ITGBL1: variants seen among roughly 807,000 people sequenced by gnomAD.
ITGBL1 encodes integrin beta-like protein 1.
Under a neutral mutation model 68.5 loss-of-function variants are expected in ITGBL1, and 51 were observed. That is an observed-to-expected ratio of 0.74 (90% CI 0.59 to 0.94). The LOEUF (loss-of-function observed/expected upper bound fraction) is 0.94. ITGBL1 is among the 40% of genes least tolerant of loss of function. The pLI is 0.00. For missense variants in ITGBL1, 649 were observed against 647.4 expected (o/e 1.00, Z -0.03); for synonymous variants, 209 against 227.3 (o/e 0.92, Z 0.72).
chr13:101,500,056 T>C (rs2048915886), intron 2 of ITGBL1, among the ~76,000 whole-genome samples: 1 of 152,200 alleles, frequency 6.6e-6, no homozygotes, highest in Non-Finnish European at 1.5e-5. Context: ...GTTTGTCTTA[T>C]TAAAACTGGC....
At chr13:101,572,169 C>T (rs902372745) in intron 3 of ITGBL1, among the ~76,000 whole-genome samples, 1 of 152,148 alleles carries the variant, frequency 6.6e-6, no homozygotes, top group Non-Finnish European at 1.5e-5. Context: ...CCCACTTCCA[C>T]CCTCCGAGTT....
At chr13:101,533,327 CCTT>C (rs1167916150) in intron 2 of ITGBL1, among the ~76,000 whole-genome samples, 2 of 152,304 alleles carry the variant, frequency 1.3e-5, no homozygotes, top group Non-Finnish European at 2.9e-5. Context: ...AAGCTTTTCT[CCTT>C]CTCTCAAAGA....
chr13:101,620,459 T>C (rs1007271261), intron 7 of ITGBL1, among the ~76,000 whole-genome samples: 17 of 152,186 alleles, frequency 1.1e-4, no homozygotes, highest in African/African-American at 4.1e-4. Flanking sequence ...ACTTCTTAAA[T>C]GTGGGCTGAG....
intron 2 of ITGBL1, among the ~76,000 whole-genome samples, chr13:101,545,217 A>G (rs2049798142): frequency 6.6e-6 from 1 of 152,190 alleles, no homozygotes; most frequent in Non-Finnish European, 1.5e-5. Context: ...TGCTGCTTCT[A>G]AAACAGTAAG....
At chr13:101,604,936 ATG>A (rs2139346290) in intron 7 of ITGBL1, among the ~76,000 whole-genome samples, 1 of 108,878 alleles carries the variant, frequency 9.2e-6, no homozygotes, top group African/African-American at 3.2e-5. Context: ...ATATATACGC[ATG>A]TATATATGTG....
chr13:101,604,879 T>C (rs545571459), intron 7 of ITGBL1, among the ~76,000 whole-genome samples: 1,983 of 13,250 alleles, frequency 0.15, 155 homozygotes, highest in Middle Eastern at 0.25. Context: ...TATATATATA[T>C]ATATATATAC....
intron 6 of ITGBL1, among the ~76,000 whole-genome samples, chr13:101,594,337 C>T (rs963909369): frequency 6.6e-6 from 1 of 152,084 alleles, no homozygotes; most frequent in Non-Finnish European, 1.5e-5. Flanking sequence ...AGGGAAAAGA[C>T]AGTTTATTCG....
intron 7 of ITGBL1, among the ~76,000 whole-genome samples, chr13:101,663,694 G>A (rs996357812): frequency 1.3e-5 from 2 of 152,172 alleles, no homozygotes; most frequent in Non-Finnish European, 2.9e-5. Flanking sequence ...GGCATCCTGG[G>A]TATTAGTTAT....
intron 8 of ITGBL1, among the ~76,000 whole-genome samples, chr13:101,698,070 T>C (rs960867199): frequency 3.9e-5 from 6 of 152,220 alleles, no homozygotes; most frequent in African/African-American, 1.4e-4. Flanking sequence ...CCCTCTGTTA[T>C]GGCTTCAGAG....
At chr13:101,558,083 C>CAAAAAAAAAAA (rs568103738) in intron 2 of ITGBL1, among the ~76,000 whole-genome samples, 14 of 71,684 alleles carry the variant, frequency 2.0e-4, no homozygotes, top group African/African-American at 8.9e-4. Context: ...AACTCCGTCT[C>CAAAAAAAAAAA]AAAAAAAAAA....
At chr13:101,670,225 C>G (rs1179546028) in intron 7 of ITGBL1, among the ~76,000 whole-genome samples, 1 of 152,166 alleles carries the variant, frequency 6.6e-6, no homozygotes, top group Non-Finnish European at 1.5e-5. Context: ...TTGTTTACTT[C>G]TATGATATGA....
intron 2 of ITGBL1, among the ~76,000 whole-genome samples, chr13:101,464,858 C>G (rs1173596717): frequency 6.6e-6 from 1 of 152,144 alleles, no homozygotes; most frequent in Non-Finnish European, 1.5e-5. Context: ...AGACCACTAC[C>G]TGCAGATCGA....
intron 2 of ITGBL1, among the ~76,000 whole-genome samples, chr13:101,520,197 A>T (rs2049262124): frequency 6.6e-6 from 1 of 152,102 alleles, no homozygotes; most frequent in African/African-American, 2.4e-5. Context: ...AATATGAAAG[A>T]CTCTAAGATT....
At chr13:101,647,993 G>A (rs1013404191) in intron 7 of ITGBL1, among the ~76,000 whole-genome samples, 2 of 152,128 alleles carry the variant, frequency 1.3e-5, no homozygotes, top group African/African-American at 2.4e-5. Context: ...TTACAGAAGC[G>A]TATGGAAGTA....
chr13:101,631,314 T>C (rs2031970549), intron 7 of ITGBL1, among the ~76,000 whole-genome samples: 1 of 152,198 alleles, frequency 6.6e-6, no homozygotes, highest in Non-Finnish European at 1.5e-5. Flanking sequence ...GATAATTTAT[T>C]TGATTTTCTA....
At chr13:101,582,664 A>T (rs2050479202) in intron 5 of ITGBL1, among the ~76,000 whole-genome samples, 1 of 151,878 alleles carries the variant, frequency 6.6e-6, no homozygotes, top group South Asian at 2.1e-4. Context: ...GCCCATCCCT[A>T]CCCTTCTTTG....
chr13:101,534,135 A>G (rs999621034), intron 2 of ITGBL1, among the ~76,000 whole-genome samples: 1 of 152,184 alleles, frequency 6.6e-6, no homozygotes, highest in African/African-American at 2.4e-5. Context: ...TCTTGTATCC[A>G]CAGCACAAAT....
intron 9 of ITGBL1, among the ~76,000 whole-genome samples, chr13:101,708,235 T>C (rs2034307350): frequency 6.6e-6 from 1 of 152,214 alleles, no homozygotes; most frequent in African/African-American, 2.4e-5. Flanking sequence ...TCTTCTTTGC[T>C]AGTGACTAGG....
chr13:101,486,358 G>T (rs1043416395), intron 2 of ITGBL1, among the ~76,000 whole-genome samples: 6 of 152,166 alleles, frequency 3.9e-5, no homozygotes, highest in Non-Finnish European at 7.3e-5. Flanking sequence ...TGTGAGATGG[G>T]TGAGGGATAA....
Sources: gnomAD v4.1 joint callset for allele counts (sites outside exome capture counted in the v4.1 genomes callset) on GRCh38, gnomAD v4.1.1 for gene constraint, MANE v1.5 for transcripts, NCBI Gene and HGNC (gene_info 2026-07-23, HGNC 2026-07-21) for gene names.